Variants in DNASE2 observed in about 807,000 individuals in gnomAD.
DNASE2 encodes the protein deoxyribonuclease 2, lysosomal.
A neutral mutation model predicts 29.8 loss-of-function variants in DNASE2; 26 were observed. The ratio of observed to expected loss-of-function variants is 0.87; its 90% CI spans 0.64 to 1.21. The LOEUF (loss-of-function observed/expected upper bound fraction) is 1.21, where lower values mean the gene tolerates loss of function less well. Ranked by LOEUF, DNASE2 falls within the 50% of genes most tolerant of loss-of-function variation. The pLI is 0.00. For missense variants in DNASE2, 415 were observed against 455.6 expected (o/e 0.91, Z 0.81); for synonymous variants, 186 against 193.5 (o/e 0.96, Z 0.32).
At chr19:12,878,172 C>A in intron 5 of DNASE2, 1 of 624,946 alleles carries the variant, frequency 1.6e-6, no homozygotes, top group Non-Finnish European at 2.8e-6. Flanking sequence ...TGTCAGTATC[C>A]CCATTTTTCA....
At chr19:12,877,048 C>T (rs1970329722) in intron 5 of DNASE2, among the ~76,000 whole-genome samples, 1 of 151,982 alleles carries the variant, frequency 6.6e-6, no homozygotes, top group African/African-American at 2.4e-5. Context: ...TTCTCAAACT[C>T]CTGACCGTGT....
Position 12,878,722 on chromosome 19 carries a change from G to A in DNASE2, c.459C>T (p.Tyr153=), listed in dbSNP as rs373190378. 34 of 1,613,994 alleles carry A rather than the reference G, an allele frequency of 2.1e-5. No homozygotes were observed. The highest frequency in any genetic ancestry group is 4.0e-5 in the African/African-American group (3 of 74,922). ...AAGACACACAGAGCAGGGTCTGCCC[G>A]TAGGTACAGGCGCTATGAGGCCAGC... The part of the protein sequence containing the change: ...AYSWPHSACT[Y]GQTLLCVSFP... The change falls in exon 4 of 6, where the codon TAC becomes TAT. Residue 153 remains tyrosine, a synonymous_variant. Coordinates refer to ENST00000222219, the MANE Select transcript of DNASE2 (RefSeq NM_001375.3).
At position 12,878,731 on chromosome 19, in the gene DNASE2, G is replaced by A. The variant is rs574232701; in HGVS notation, c.450C>T (p.Ala150=). 2.4e-5 allele frequency: 39 copies of A among 1,614,126 alleles called. No homozygotes were observed. In the East Asian group the frequency reaches 8.7e-4, roughly 36 times the overall value. The change falls in exon 4 of 6, where the codon GCC becomes GCT. Residue 150 remains alanine (A), a synonymous_variant. Coordinates refer to ENST00000222219, the MANE Select transcript of DNASE2 (RefSeq NM_001375.3). ...AGAGCAGGGTCTGCCCGTAGGTACAGGCGCTATGAGGCCAGCTGTATGCAG... is the reference window on the plus strand; with the variant it reads ...AGAGCAGGGTCTGCCCGTAGGTACAAGCGCTATGAGGCCAGCTGTATGCAG... ...SSAAYSWPHS[A]CTYGQTLLCV...
Position 12,875,924 on chromosome 19 carries a change from C to T in DNASE2, c.*66G>A, listed in dbSNP as rs1970313485. The T allele has an allele frequency of 6.3e-7, 1 of 1,593,800 alleles. No homozygotes were observed. The highest frequency in any genetic ancestry group is 1.3e-5 in the African/African-American group (1 of 74,740). On this transcript the variant is annotated 3_prime_UTR_variant, in exon 6 of 6. Coordinates refer to ENST00000222219, the MANE Select transcript of DNASE2 (RefSeq NM_001375.3). ...TCTCGAATTCCTGAGTTCAAGTGAT[C>T]CTCCCTCCTTGGCTTCCCAAAGTGC...
chr19:12,880,875 G>A lies in DNASE2; in HGVS notation c.273C>T (p.Ala91=), dbSNP rs753812380. 5 of 1,614,210 alleles carry A rather than the reference G, an allele frequency of 3.1e-6. No homozygotes were observed. In the Admixed American group the frequency reaches 6.7e-5, roughly 22 times the overall value. Residue 91 remains alanine (A), a synonymous_variant, in exon 3 of 6, where the codon GCC becomes GCT. Transcript: ENST00000222219. The stretch of plus-strand genomic sequence containing the variant: ...GCGGTTGGTCATTGTAGAGCAGGAA[G>A]GCGAGCTGCGGGCGGATAAACGGAG... The part of the protein sequence containing the change: ...PLYRSNTSQL[A]FLLYNDQPPQ...
chr19:12,879,070 G>A (rs1167008119), intron 3 of DNASE2, among the ~76,000 whole-genome samples: 3 of 151,828 alleles, frequency 2.0e-5, no homozygotes, highest in Non-Finnish European at 4.4e-5. Context: ...TTGAACCCAG[G>A]AGGTGGAGGT....
intron 5 of DNASE2, chr19:12,877,949 A>G (rs1441556776): frequency 9.7e-6 from 3 of 307,812 alleles, no homozygotes; most frequent in Non-Finnish European, 1.9e-5. Flanking sequence ...GGCTCAATTT[A>G]TCCTCCTGCC....
Position 12,881,402 on chromosome 19 carries a change from A to C in DNASE2, c.-27T>G, listed in dbSNP as rs761383755. ...GCTGCTATGGGGCTGAGATCCAGGA[A>C]TCTGTGTCGGGACTGCGGGGCGCTG... is the stretch of plus-strand genomic sequence containing the variant. On this transcript the variant is annotated 5_prime_UTR_variant, in exon 1 of 6. Transcript: ENST00000222219. 1.0e-4 allele frequency: 155 copies of C among 1,549,762 alleles called. No homozygotes were observed. Among genetic ancestry groups the C allele is most frequent in the Non-Finnish European group, 1.3e-4 (144 of 1,147,670 alleles).
chr19:12,881,262 G>A (rs755384350), intron 1 of DNASE2, 28 bp downstream of exon 1: 1 of 1,588,976 alleles, frequency 6.3e-7, no homozygotes, highest in Admixed American at 1.8e-5. Context: ...ACCCCGGGGC[G>A]ATGGTAGGCC....
chr19:12,878,212 A>G, intron 5 of DNASE2, 170 bp downstream of exon 5: 1 of 791,734 alleles, frequency 1.3e-6, no homozygotes, highest in South Asian at 1.5e-5. Context: ...AGGTGAAGTT[A>G]TACATCACAC....
chr19:12,875,900 C>A lies in DNASE2; in HGVS notation c.*90G>T. 1 of 1,549,502 alleles carries A rather than the reference C, an allele frequency of 6.5e-7. No individual in the cohort carries two copies. Among genetic ancestry groups the A allele is most frequent in the Admixed American group, 1.7e-5 (1 of 57,890 alleles). The stretch of plus-strand genomic sequence containing the variant: ...GTCTCACTATGTAGCCCAGGCTGGT[C>A]TCGAATTCCTGAGTTCAAGTGATCC... On this transcript the variant is annotated 3_prime_UTR_variant, in exon 6 of 6. Transcript: ENST00000222219.
Position 12,878,814 on chromosome 19 carries a change from C to G in DNASE2, c.367G>C (p.Asp123His). The change falls in exon 4 of 6, where the codon GAT (aspartate) becomes CAT (histidine). Residue 123 changes from aspartate to histidine, a missense_variant. By Grantham distance (81) the Asp-to-His change is moderately conservative. Transcript: ENST00000222219. ...HTKGVLLLDH[D>H]GGFWLVHSVP... The stretch of plus-strand genomic sequence containing the variant: ...CTGTGGACCAGCCAGAAGCCCCCAT[C>G]GTGGTCAAGGAGCAGGACACCTGGA... 1 of 1,613,356 alleles carries G rather than the reference C, an allele frequency of 6.2e-7. No homozygotes were observed.
At chr19:12,876,487 T>A (rs1970322919) in intron 5 of DNASE2, 124 bp from the exon 6 acceptor site, 3 of 1,381,934 alleles carry the variant, frequency 2.2e-6, no homozygotes, top group Non-Finnish European at 2.8e-6. Flanking sequence ...TGACATGGAG[T>A]CTTGCTCTGT....
chr19:12,878,252 G>T (rs1970341106), intron 5 of DNASE2, 130 bp downstream of exon 5: 2 of 1,216,918 alleles, frequency 1.6e-6, no homozygotes, highest in Non-Finnish European at 2.4e-6. Context: ...ACCCAGGTCT[G>T]TTCACTGATC....
chr19:12,878,354 C>A (rs1970341767), intron 5 of DNASE2, 28 bp downstream of exon 5: 1 of 1,612,124 alleles, frequency 6.2e-7, no homozygotes, highest in Admixed American at 1.7e-5. Flanking sequence ...AGAGAAGGAG[C>A]TCTCCAACCC....
At chr19:12,878,211 T>C in intron 5 of DNASE2, 171 bp downstream of exon 5, 1 of 788,498 alleles carries the variant, frequency 1.3e-6, no homozygotes, top group South Asian at 1.5e-5. Context: ...CAGGTGAAGT[T>C]ATACATCACA....
At chr19:12,880,723 C>T (rs777874886) in intron 3 of DNASE2, 79 bp downstream of exon 3, 9 of 1,574,130 alleles carry the variant, frequency 5.7e-6, no homozygotes, top group African/African-American at 1.4e-5. Context: ...CAGATCTCCC[C>T]GACCACCCCA....
rs1381820129 is a variant in DNASE2, at chr19:12,880,954, G to A, written c.267+18C>T. The A allele has an allele frequency of 6.2e-7, 1 of 1,614,082 alleles. No individual in the cohort carries two copies. The highest frequency in any genetic ancestry group is 1.3e-5 in the African/African-American group (1 of 74,934). On this transcript the variant is annotated intron_variant, in intron 2 of 5. Transcript: ENST00000222219. ...AGCCCTAGAGTTTCGCCCCTAGTTGGCCCGGGGCCCCCTTCACCTGGCTGG... is the reference window on the plus strand; with the variant it reads ...AGCCCTAGAGTTTCGCCCCTAGTTGACCCGGGGCCCCCTTCACCTGGCTGG...
intron 3 of DNASE2, among the ~76,000 whole-genome samples, chr19:12,880,148 G>C (rs1002709616): frequency 2.7e-5 from 4 of 150,718 alleles, no homozygotes; most frequent in Non-Finnish European, 5.9e-5. Context: ...GGGGGGTACC[G>C]GCAGGCCCAG....
Sources: allele counts gnomAD v4.1 joint callset (sites outside exome capture counted in the v4.1 genomes callset), GRCh38; gene constraint gnomAD v4.1.1; transcripts MANE v1.5; gene names NCBI Gene and HGNC (gene_info 2026-07-23, HGNC 2026-07-21).